The following STAU2 variants were observed in gnomAD, a reference collection of about 807,000 sequenced individuals.
The protein encoded by STAU2 is staufen double-stranded RNA binding protein 2, also known as double-stranded RNA-binding protein Staufen homolog 2.
STAU2 carries 20 observed loss-of-function variants against 65.9 expected under a neutral mutation model. The observed-to-expected ratio is 0.30, with a 90% confidence interval of 0.21 to 0.44. The LOEUF is 0.44. Ranked by LOEUF, STAU2 falls within the 20% of genes least tolerant of loss-of-function variation. The probability of loss-of-function intolerance (pLI) is 1.00; values close to 1 mark genes in which losing one functional copy is unlikely to be tolerated. For missense variants in STAU2, 558 were observed against 683.9 expected (o/e 0.82, Z 2.05); for synonymous variants, 232 against 233.9 (o/e 0.99, Z 0.07).
chr8:73,682,256 T>C (rs1818484050), intron 5 of STAU2, among the ~76,000 whole-genome samples: 1 of 151,346 alleles, frequency 6.6e-6, no homozygotes, highest in Non-Finnish European at 1.5e-5. Flanking sequence ...TTTAAGAAAA[T>C]CAAAATTATA....
Position 73,434,265 on chromosome 8 carries a change from A to G in STAU2, c.1531-11563T>C, listed in dbSNP as rs576519275. ...CAAGGAATGTGAGTGGCCGGCCTCT[A>G]GACGCTGAAAAAGGAAAGGAGGTGG... On this transcript the variant is annotated intron_variant, in intron 13 of 14. Coordinates refer to ENST00000524300, the MANE Select transcript of STAU2 (RefSeq NM_001164380.2). Among the ~76,000 whole-genome samples, 175 of 150,322 alleles carry G rather than the reference A, an allele frequency of 1.2e-3. 1 individual carries two copies. Among genetic ancestry groups the G allele is most frequent in the Admixed American group, 2.5e-3 (38 of 15,126 alleles).
At chr8:73,627,077 G>A (rs543777666) in intron 6 of STAU2, among the ~76,000 whole-genome samples, 54 of 151,864 alleles carry the variant, frequency 3.6e-4, no homozygotes, top group African/African-American at 1.2e-3. Flanking sequence ...CTGGCAAGGC[G>A]ATCTGGGGGC....
At chr8:73,439,414 C>T (rs1252517395) in intron 13 of STAU2, among the ~76,000 whole-genome samples, 5 of 152,136 alleles carry the variant, frequency 3.3e-5, no homozygotes, top group East Asian at 1.9e-4. Context: ...GTGAGGAGTT[C>T]GAGACCAGCC....
intron 13 of STAU2, among the ~76,000 whole-genome samples, chr8:73,448,255 G>A (rs1397413282): frequency 6.6e-6 from 1 of 152,156 alleles, no homozygotes; most frequent in Non-Finnish European, 1.5e-5. Context: ...TTTTGGGAAG[G>A]AAGGATATAA....
In STAU2 at chr8:73,542,248, A is replaced by G. The variant is rs374636972; in HGVS notation, c.1530+9764T>C. Among the ~76,000 whole-genome samples, 6 of 152,294 alleles carry G rather than the reference A, an allele frequency of 3.9e-5. No individual in the cohort carries two copies. The South Asian group carries it at 1.2e-3, about 32-fold the overall frequency. ...GCCTAGACAAAACACAACATGACAT[A>G]CATGGTCCTGTAACAACTGGCTATC... On this transcript the variant is annotated intron_variant, in intron 13 of 14. Coordinates refer to ENST00000524300, the MANE Select transcript of STAU2 (RefSeq NM_001164380.2).
At chr8:73,690,448 G>A (rs1447334987) in intron 4 of STAU2, among the ~76,000 whole-genome samples, 2 of 151,996 alleles carry the variant, frequency 1.3e-5, no homozygotes, top group Non-Finnish European at 2.9e-5. Context: ...ACATTCAGAG[G>A]ACAACTGGGG....
chr8:73,645,729 T>C (rs1009886368), intron 6 of STAU2, among the ~76,000 whole-genome samples: 1 of 152,306 alleles, frequency 6.6e-6, no homozygotes, highest in South Asian at 2.1e-4. Flanking sequence ...CTTCTGCTTC[T>C]GGGAGGCCTC....
chr8:73,474,089 C>T (rs1473134036), intron 13 of STAU2, among the ~76,000 whole-genome samples: 3 of 152,038 alleles, frequency 2.0e-5, no homozygotes, highest in Non-Finnish European at 4.4e-5. Context: ...TTTTGAACTA[C>T]AAATCCCTTA....
In STAU2 at chr8:73,603,712, A is replaced by G. The variant is rs1012767351; in HGVS notation, c.1029+14T>C. On this transcript the variant is annotated intron_variant, in intron 10 of 14. Transcript: ENST00000524300. ...TTCTAAATCTTTTCAATAGTTTTAA[A>G]AGGTTAGAAATACCTGCATCACAAA... 1 of 1,606,124 alleles carries G rather than the reference A, an allele frequency of 6.2e-7. No homozygotes were observed. Among genetic ancestry groups the G allele is most frequent in the East Asian group, 2.2e-5 (1 of 44,838 alleles).
At chr8:73,632,055 C>CACACGA (rs1226431848) in intron 6 of STAU2, among the ~76,000 whole-genome samples, 4 of 151,756 alleles carry the variant, frequency 2.6e-5, no homozygotes, top group African/African-American at 9.7e-5. Flanking sequence ...AGAGAGACAG[C>CACACGA]ACACGAACAC....
chr8:73,560,182 G>A (rs1308803344), intron 12 of STAU2, among the ~76,000 whole-genome samples: 2 of 148,008 alleles, frequency 1.4e-5, no homozygotes, highest in East Asian at 2.0e-4. Context: ...CCGGGTTCAC[G>A]CCATTCTCCT....
At chr8:73,693,360 A>T (rs1276772922) in intron 4 of STAU2, among the ~76,000 whole-genome samples, 1 of 151,746 alleles carries the variant, frequency 6.6e-6, no homozygotes, top group Non-Finnish European at 1.5e-5. Flanking sequence ...CTGTAGTCCC[A>T]GCTACTCGGG....
At chr8:73,479,622 A>G (rs1235655376) in intron 13 of STAU2, among the ~76,000 whole-genome samples, 1 of 152,010 alleles carries the variant, frequency 6.6e-6, no homozygotes, top group African/African-American at 2.4e-5. Flanking sequence ...ACTTAAGAAA[A>G]CTAGTCTTAA....
chr8:73,538,305 T>C (rs1037607814), intron 13 of STAU2, among the ~76,000 whole-genome samples: 17 of 152,318 alleles, frequency 1.1e-4, no homozygotes, highest in Middle Eastern at 3.4e-3. Context: ...TTTTTACTTT[T>C]CTGAAAGTTT....
intron 13 of STAU2, among the ~76,000 whole-genome samples, chr8:73,503,611 G>C (rs1274896517): frequency 1.3e-5 from 2 of 150,944 alleles, no homozygotes; most frequent in African/African-American, 4.9e-5. Context: ...TGATTTTGTT[G>C]AATGGATAAA....
chr8:73,550,948 T>C (rs906551006), intron 13 of STAU2: 1 of 985,354 alleles, frequency 1.0e-6, no homozygotes, highest in Non-Finnish European at 1.2e-6. Context: ...TATAAATACA[T>C]GATCATTCTA....
At chr8:73,671,406 A>C (rs963973938) in intron 6 of STAU2, among the ~76,000 whole-genome samples, 1 of 151,866 alleles carries the variant, frequency 6.6e-6, no homozygotes, top group African/African-American at 2.4e-5. Flanking sequence ...ACAAAAAAAA[A>C]CAAAAAAAAC....
intron 6 of STAU2, among the ~76,000 whole-genome samples, chr8:73,623,420 A>G (rs555506352): frequency 1.3e-5 from 2 of 152,316 alleles, no homozygotes; most frequent in East Asian, 1.9e-4. Context: ...TCTATTTGAT[A>G]GCATTATTCA....
At chr8:73,457,425 C>T (rs772254317) in intron 13 of STAU2, among the ~76,000 whole-genome samples, 3 of 152,240 alleles carry the variant, frequency 2.0e-5, no homozygotes, top group Non-Finnish European at 4.4e-5. Context: ...CTCTTACATG[C>T]ATAGTTGAAT....
Sources: allele counts gnomAD v4.1 joint callset (sites outside exome capture counted in the v4.1 genomes callset), GRCh38; gene constraint gnomAD v4.1.1; transcripts MANE v1.5; gene names NCBI Gene and HGNC (gene_info 2026-07-23, HGNC 2026-07-21).